EYS: variants seen among roughly 807,000 people sequenced by gnomAD.
The protein encoded by EYS is EGF-like photoreceptor maintenance factor, also known as protein eyes shut homolog.
EYS carries 250 observed loss-of-function variants against 282.1 expected under a neutral mutation model. The observed-to-expected ratio is 0.89, with a 90% CI of 0.80 to 0.98. EYS has a LOEUF of 0.98. Ranked by LOEUF, EYS falls within the 50% of genes least tolerant of loss-of-function variation. The pLI, the probability that EYS is intolerant of heterozygous loss-of-function variation, is 0.00. For synonymous variants in EYS, 1,355 were observed against 1,282.9 expected (o/e 1.06, Z -1.20); for missense variants, 4,016 against 3,709.0 (o/e 1.08, Z -2.15).
At chr6:64,198,022 T>G (rs1489574796) in intron 31 of EYS, among the ~76,000 whole-genome samples, 1 of 151,920 alleles carries the variant, frequency 6.6e-6, no homozygotes, top group Non-Finnish European at 1.5e-5. Context: ...AGACGGAGTC[T>G]CGCTCTGTTG....
At chr6:64,175,274 T>C (rs575193870) in intron 31 of EYS, among the ~76,000 whole-genome samples, 4 of 152,288 alleles carry the variant, frequency 2.6e-5, no homozygotes, top group Non-Finnish European at 5.9e-5. Context: ...AGTTATTTAA[T>C]ATCTCCTGTC....
chr6:63,735,853 A>G (rs1013233993), intron 41 of EYS, among the ~76,000 whole-genome samples: 17 of 152,052 alleles, frequency 1.1e-4, no homozygotes, highest in Non-Finnish European at 2.4e-4. Context: ...CATATTCTTG[A>G]CAGTTTTTAA....
chr6:64,336,715 T>C (rs2150393883), intron 29 of EYS, among the ~76,000 whole-genome samples: 1 of 152,182 alleles, frequency 6.6e-6, no homozygotes, highest in African/African-American at 2.4e-5. Context: ...AGGTAGACCA[T>C]ATGATAGGTC....
At position 64,000,123 on chromosome 6, in the gene EYS, A is replaced by G. The variant is rs528607518; in HGVS notation, c.6726-940T>C. Among the ~76,000 whole-genome samples the G allele has an allele frequency of 4.8e-3, 609 of 128,048 alleles. 3 individuals are homozygous for G. The highest frequency in any genetic ancestry group is 0.018 in the African/African-American group (589 of 33,538). 84.0% of individuals were successfully genotyped at this position (128,048 alleles called of 152,430 possible). On this transcript the variant is annotated intron_variant, in intron 33 of 42. Transcript: ENST00000503581. ...ATTTTTTATTTTTTATTTCGATCAG[A>G]CCTTCTTGTTTGCCTGGGACTGAGG...
At chr6:65,617,830 G>A (rs1766267460) in intron 2 of EYS, among the ~76,000 whole-genome samples, 1 of 151,320 alleles carries the variant, frequency 6.6e-6, no homozygotes, top group African/African-American at 2.4e-5. Context: ...GCAATAGTTT[G>A]CTGAGAATGA....
chr6:65,455,517 T>TA (rs1210381534), intron 5 of EYS, among the ~76,000 whole-genome samples: 5 of 151,336 alleles, frequency 3.3e-5, no homozygotes, highest in African/African-American at 1.2e-4. Flanking sequence ...TTAACTAAAC[T>TA]AAAAAAAACG....
At chr6:64,823,224 C>T (rs1764951966) in intron 19 of EYS, among the ~76,000 whole-genome samples, 1 of 151,580 alleles carries the variant, frequency 6.6e-6, no homozygotes, top group Non-Finnish European at 1.5e-5. Context: ...CTAAATTTGG[C>T]TTTAGTGAGT....
chr6:64,289,192 T>C (rs1428440038), intron 30 of EYS, among the ~76,000 whole-genome samples: 1 of 152,022 alleles, frequency 6.6e-6, no homozygotes, highest in African/African-American at 2.4e-5. Context: ...AACATGGCAA[T>C]ATTAAAAAAT....
intron 31 of EYS, among the ~76,000 whole-genome samples, chr6:64,155,990 ATGTGTG>A (rs141895339): frequency 7.4e-5 from 11 of 148,420 alleles, no homozygotes; most frequent in South Asian, 2.1e-4. Context: ...ATATATATAT[ATGTGTG>A]TGTGTGTGTG....
At chr6:64,626,089 T>C in intron 23 of EYS, 32 bp downstream of exon 23, 1 of 1,234,718 alleles carries the variant, frequency 8.1e-7, no homozygotes, top group South Asian at 1.4e-5. Flanking sequence ...TTATTATATA[T>C]GCAGTATGCT....
chr6:64,227,107 T>C (rs1375869732), intron 31 of EYS, among the ~76,000 whole-genome samples: 1 of 152,124 alleles, frequency 6.6e-6, no homozygotes, highest in Non-Finnish European at 1.5e-5. Context: ...TGTTCTTTCA[T>C]CAGTTATGTC....
chr6:63,809,778 A>C (rs1041584060), intron 36 of EYS, among the ~76,000 whole-genome samples: 2 of 152,138 alleles, frequency 1.3e-5, no homozygotes, highest in African/African-American at 4.8e-5. Context: ...CTCAATGTAT[A>C]ATCTTTTTAA....
chr6:64,395,681 C>T (rs1360751991), intron 28 of EYS, among the ~76,000 whole-genome samples: 1 of 150,604 alleles, frequency 6.6e-6, no homozygotes, highest in African/African-American at 2.4e-5. Flanking sequence ...ATACCTAATG[C>T]TAGATGAGGA....
chr6:64,506,971 GTTT>G (rs36120803), intron 26 of EYS, among the ~76,000 whole-genome samples: 4 of 117,974 alleles, frequency 3.4e-5, no homozygotes, highest in African/African-American at 1.5e-4. Flanking sequence ...TCCAGTTTCA[GTTT>G]TTTTTTTTTT....
chr6:65,152,661 T>C (rs1334850761), intron 12 of EYS, among the ~76,000 whole-genome samples: 2 of 151,950 alleles, frequency 1.3e-5, no homozygotes, highest in African/African-American at 2.4e-5. Context: ...TATTTTGTTA[T>C]AGCAACCCTA....
chr6:64,609,736 A>T (rs1008553736), intron 24 of EYS, among the ~76,000 whole-genome samples: 2 of 152,082 alleles, frequency 1.3e-5, no homozygotes, highest in African/African-American at 4.8e-5. Flanking sequence ...TATTATAAAA[A>T]GTTAGCTGGT....
intron 36 of EYS, among the ~76,000 whole-genome samples, chr6:63,840,987 C>T (rs1476818719): frequency 6.6e-6 from 1 of 152,050 alleles, no homozygotes; most frequent in Non-Finnish European, 1.5e-5. Context: ...CTCAAGATTG[C>T]CTTGGCTATT....
chr6:65,344,201 A>C, intron 9 of EYS, 24 bp from the exon 10 acceptor site: 1 of 1,569,954 alleles, frequency 6.4e-7, no homozygotes, highest in Non-Finnish European at 8.7e-7. Flanking sequence ...GAGATAAAAA[A>C]TTAAATAAAC....
intron 1 of EYS, among the ~76,000 whole-genome samples, chr6:65,666,786 T>C (rs1768215052): frequency 1.3e-5 from 2 of 151,364 alleles, no homozygotes; most frequent in South Asian, 2.1e-4. Context: ...TCTAGAATCA[T>C]AGAATAAAAA....
Sources: gnomAD v4.1 joint callset for allele counts (sites outside exome capture counted in the v4.1 genomes callset) on GRCh38, gnomAD v4.1.1 for gene constraint, MANE v1.5 for transcripts, NCBI Gene and HGNC (gene_info 2026-07-23, HGNC 2026-07-21) for gene names.